Variants in KCNQ1 observed in about 807,000 individuals in gnomAD.
The protein encoded by KCNQ1 is potassium voltage-gated channel subfamily KQT member 1.
In KCNQ1, 49 loss-of-function variants were observed where a neutral mutation model predicts 72.4. The ratio of observed to expected loss-of-function variants is 0.68; its 90% CI spans 0.54 to 0.86. The LOEUF (loss-of-function observed/expected upper bound fraction) is 0.86, where lower values mean the gene tolerates loss of function less well. Ranked by LOEUF, KCNQ1 falls within the 40% of genes least tolerant of loss-of-function variation. The pLI, the probability that KCNQ1 is intolerant of heterozygous loss-of-function variation, is 0.00. For synonymous variants in KCNQ1, 450 were observed against 412.6 expected, an observed-to-expected ratio of 1.09 and a Z score of -1.10; for missense variants, 790 against 945.1, an observed-to-expected ratio of 0.84 and a Z score of 2.15.
At chr11:2,756,207 G>A (rs1350446035) in intron 11 of KCNQ1, among the ~76,000 whole-genome samples, 1 of 152,200 alleles carries the variant, frequency 6.6e-6, no homozygotes, top group Admixed American at 6.5e-5. Flanking sequence ...GTGTGGACGA[G>A]TGAGAATGAA....
intron 10 of KCNQ1, chr11:2,638,919 ACT>A (rs1849524400): frequency 6.6e-6 from 1 of 151,448 alleles, no homozygotes; most frequent in African/African-American, 2.4e-5. Flanking sequence ...GTTTGTTTTT[ACT>A]CTTTTTTCTC....
At chr11:2,757,655 A>G (rs1846325846) in intron 11 of KCNQ1, among the ~76,000 whole-genome samples, 1 of 152,238 alleles carries the variant, frequency 6.6e-6, no homozygotes, top group Non-Finnish European at 1.5e-5. Context: ...CACTCTACCA[A>G]TTTTAAGGCC....
At chr11:2,733,773 T>TA (rs1564875152) in intron 11 of KCNQ1, among the ~76,000 whole-genome samples, 1,132 of 58,994 alleles carry the variant, frequency 0.019, 20 homozygotes, top group African/African-American at 0.021. Flanking sequence ...CTTCAGGCCT[T>TA]CCACACACAC....
At position 2,745,149 on chromosome 11, in the gene KCNQ1, C is replaced by G. The variant is rs1276356228; in HGVS notation, c.1515-23695C>G. Among the ~76,000 whole-genome samples, 2 of 152,202 alleles carry G rather than the reference C, an allele frequency of 1.3e-5. No homozygotes were observed. Among genetic ancestry groups the G allele is most frequent in the African/African-American group, 2.4e-5 (1 of 41,448 alleles). On this transcript the variant is annotated intron_variant, in intron 11 of 15. Transcript: ENST00000155840. The surrounding 1 kb of genome is among the most constrained non-coding windows in gnomAD (Gnocchi z 6.2). ...TGGGACCTTTATTCCTCCATGCCAA[C>G]TTTAAAGTTAAGTTTATTGCATTTC...
intron 10 of KCNQ1, chr11:2,655,970 C>G (rs1412662201): frequency 2.5e-6 from 1 of 398,614 alleles, no homozygotes; most frequent in African/African-American, 2.1e-5. Flanking sequence ...CCCACCCACT[C>G]TGGGCAGCCA....
rs1847162839 is a variant in KCNQ1 at position 2,509,649 on chromosome 11, C to T, written c.387-18279C>T. 6.6e-6 allele frequency among the ~76,000 whole-genome samples: 1 copy of T among 152,172 alleles called. No homozygotes were observed. The highest frequency in any genetic ancestry group is 2.1e-4 in the South Asian group (1 of 4,830). On this transcript the variant is annotated intron_variant, in intron 1 of 15. Transcript: ENST00000155840. This position sits in a 1 kb window ranked among gnomAD's most constrained non-coding sequence, Gnocchi z 6.3. ...GGAGGTGTCAGCGTTTCACTCCCAG[C>T]ACGTCACGCCACGTCCCTTTCCTCT... is the stretch of plus-strand genomic sequence containing the variant.
At chr11:2,580,228 A>C (rs972757561) in intron 6 of KCNQ1, among the ~76,000 whole-genome samples, 4 of 150,760 alleles carry the variant, frequency 2.7e-5, no homozygotes, top group Non-Finnish European at 4.4e-5. Context: ...CCTGCCTCTC[A>C]GCCTATCTTG....
At chr11:2,705,146 C>T (rs1486564488) in intron 11 of KCNQ1, among the ~76,000 whole-genome samples, 19 of 152,206 alleles carry the variant, frequency 1.2e-4, no homozygotes, top group East Asian at 1.9e-4. Flanking sequence ...ATGGGCTGCT[C>T]GGGGAATGCC....
At position 2,536,922 on chromosome 11, in the gene KCNQ1, T is replaced by G. The variant is rs966944427; in HGVS notation, c.477+8904T>G. 6.6e-6 allele frequency among the ~76,000 whole-genome samples: 1 copy of G among 151,340 alleles called. No homozygotes were observed. Among genetic ancestry groups the G allele is most frequent in the Non-Finnish European group, 1.5e-5 (1 of 67,866 alleles). ...CTGTCTTCTAGATGTAGTACCCCAA[T>G]CCCCCCCAGTCCCTCCCTTTACCTC... is the stretch of plus-strand genomic sequence containing the variant. On this transcript the variant is annotated intron_variant, in intron 2 of 15. Coordinates refer to ENST00000155840, the MANE Select transcript of KCNQ1 (RefSeq NM_000218.3). This position sits in a 1 kb window ranked among gnomAD's most constrained non-coding sequence, Gnocchi z 7.4.
At chr11:2,685,899 T>G (rs1850480443) in intron 11 of KCNQ1, 2 of 398,632 alleles carry the variant, frequency 5.0e-6, no homozygotes, top group South Asian at 2.5e-4. Flanking sequence ...GAACTTGTTC[T>G]CCACGGATGA....
At chr11:2,842,100 G>A (rs1848226773) in intron 15 of KCNQ1, among the ~76,000 whole-genome samples, 1 of 152,182 alleles carries the variant, frequency 6.6e-6, no homozygotes, top group African/African-American at 2.4e-5. Context: ...AGACACCAGG[G>A]ACAGAGACAA....
rs1851035067 is a variant in KCNQ1, at chr11:2,713,219, G to A, written c.1514+51138G>A. ...AGCCTGGAGCCCCTACTTGCTTGGT[G>A]TCCCGAGCCAGCCGGACCTGCATCC... On this transcript the variant is annotated intron_variant, in intron 11 of 15. Transcript: ENST00000155840. This position sits in a 1 kb window ranked among gnomAD's most constrained non-coding sequence, Gnocchi z 5.6. Among the ~76,000 whole-genome samples, 1 of 152,176 alleles carries A rather than the reference G, an allele frequency of 6.6e-6. No homozygotes were observed. Among genetic ancestry groups the A allele is most frequent in the Admixed American group, 6.5e-5 (1 of 15,286 alleles).
Position 2,526,986 on chromosome 11 carries a change from G to T in KCNQ1, c.387-942G>T, listed in dbSNP as rs565899699. Among the ~76,000 whole-genome samples the T allele has an allele frequency of 8.4e-4, 128 of 152,264 alleles. No homozygotes were observed. The highest frequency in any genetic ancestry group is 5.7e-4 in the Non-Finnish European group (39 of 67,990). ...CGCTGAGGATCCACGGGGGTCCCTG[G>T]AGTCTCCGGAGCCCGTGGGAATCCC... On this transcript the variant is annotated intron_variant, in intron 1 of 15. Transcript: ENST00000155840. This position sits in a 1 kb window ranked among gnomAD's most constrained non-coding sequence, Gnocchi z 6.1.
chr11:2,662,832 T>C, intron 11 of KCNQ1: 1 of 398,844 alleles, frequency 2.5e-6, no homozygotes, highest in Non-Finnish European at 4.4e-6. Context: ...CTTCTGAGGG[T>C]CACTTGTGGA....
chr11:2,830,616 C>T lies in KCNQ1; in HGVS notation c.1795-17151C>T, dbSNP rs191575015. Among the ~76,000 whole-genome samples, 13 of 152,292 alleles carry T rather than the reference C, an allele frequency of 8.5e-5. No individual in the cohort carries two copies. In the East Asian group the frequency reaches 2.5e-3, roughly 29 times the overall value. On this transcript the variant is annotated intron_variant, in intron 15 of 15. Transcript: ENST00000155840. The surrounding 1 kb of genome is among the most constrained non-coding windows in gnomAD (Gnocchi z 7.7). ...ACTCACAGGGTCAGCCTGGGCCAGG[C>T]AGGCTGGGGGCCAGCCCAGGACCTC...
At chr11:2,834,849 G>C (rs1330369475) in intron 15 of KCNQ1, among the ~76,000 whole-genome samples, 1 of 152,190 alleles carries the variant, frequency 6.6e-6, no homozygotes, top group Non-Finnish European at 1.5e-5. Context: ...AGCCCTGGCT[G>C]GTTGAAGTCC....
intron 15 of KCNQ1, among the ~76,000 whole-genome samples, chr11:2,788,291 C>T (rs1324882981): frequency 4.6e-5 from 7 of 152,164 alleles, no homozygotes; most frequent in South Asian, 2.1e-4. Flanking sequence ...AAGGAATGTC[C>T]GCTTGGGATT....
chr11:2,631,233 T>C (rs1255115850), intron 10 of KCNQ1: 1 of 398,434 alleles, frequency 2.5e-6, no homozygotes, highest in Non-Finnish European at 4.4e-6. Context: ...TTAACTCTCC[T>C]GATGGTGTCC....
At chr11:2,702,921 T>TGCCA (rs1177576870) in intron 11 of KCNQ1, among the ~76,000 whole-genome samples, 2 of 152,216 alleles carry the variant, frequency 1.3e-5, no homozygotes, top group African/African-American at 4.8e-5. Flanking sequence ...CAGCGCCGCC[T>TGCCA]GCCAGCCCAG....
Sources: allele counts gnomAD v4.1 joint callset (sites outside exome capture counted in the v4.1 genomes callset), GRCh38; gene constraint gnomAD v4.1.1; non-coding constraint Gnocchi (gnomAD v3.1); transcripts MANE v1.5; gene names NCBI Gene and HGNC (gene_info 2026-07-23, HGNC 2026-07-21).